Variants in NCAPD3 observed in about 807,000 individuals in gnomAD.
The protein encoded by NCAPD3 is non-SMC condensin II complex subunit D3.
A neutral mutation model predicts 182.9 loss-of-function variants in NCAPD3; 105 were observed. The observed-to-expected ratio is 0.57, with a 90% CI of 0.49 to 0.68. The LOEUF (loss-of-function observed/expected upper bound fraction) is 0.68, where lower values mean the gene tolerates loss of function less well. NCAPD3 is among the 30% of genes least tolerant of loss of function. NCAPD3 has a pLI of 0.00. For synonymous variants in NCAPD3, 815 were observed against 679.9 expected, an observed-to-expected ratio of 1.20 and a Z score of -3.09; for missense variants, 1,944 against 1,837.0, an observed-to-expected ratio of 1.06 and a Z score of -1.07.
chr11:134,178,847 C>A lies in NCAPD3; in HGVS notation c.2649G>T (p.Leu883=). The A allele has an allele frequency of 6.2e-7, 1 of 1,614,114 alleles. No homozygotes were observed. The highest frequency in any genetic ancestry group is 1.7e-5 in the Admixed American group (1 of 60,022). ...AGTGGTCAGCATCAGCAGACGAAGC[C>A]AGGACGGACTGAATCAGAAGGAAGA... ...KRIFLLIQSV[L]ASSADADHSP... The change falls in exon 21 of 35, where the codon CTG becomes CTT. Residue 883 remains leucine (L), a synonymous_variant. Coordinates refer to ENST00000534548, the MANE Select transcript of NCAPD3 (RefSeq NM_015261.3).
At chr11:134,158,540 GT>G (rs746266266) in intron 29 of NCAPD3, 45 bp from the exon 30 acceptor site, 1 of 1,577,392 alleles carries the variant, frequency 6.3e-7, no homozygotes, top group East Asian at 2.2e-5. Context: ...TACTTTTTAA[GT>G]TTTCAAAAAC....
rs1943685167 is a variant in NCAPD3 at position 134,164,186 on chromosome 11, C to A, written c.3574-2295G>T. Among the ~76,000 whole-genome samples the A allele has an allele frequency of 1.3e-5, 2 of 152,146 alleles. 1 individual carries two copies. Among genetic ancestry groups the A allele is most frequent in the Middle Eastern group, 6.3e-3 (2 of 316 alleles). On this transcript the variant is annotated intron_variant, in intron 27 of 34. Transcript: ENST00000534548. ...AGAGGCCTGTGGCAGCCAAGCTCTG[C>A]CCCAGTCATTCAGATCCAAATTCTA...
At position 134,214,907 on chromosome 11, in the gene NCAPD3, CA is replaced by C. The variant is rs376707739; in HGVS notation, c.382+2028del. Among the ~76,000 whole-genome samples the C allele has an allele frequency of 2.8e-4, 42 of 152,138 alleles. No homozygotes were observed. The East Asian group carries it at 6.8e-3, about 25-fold the overall frequency. On this transcript the variant is annotated intron_variant, in intron 3 of 34. Coordinates refer to ENST00000534548, the MANE Select transcript of NCAPD3 (RefSeq NM_015261.3). ...TACCAAGATACCCAGATACTCAAAC[CA>C]GACAAAAATATCTCAAAAAAAGAAT...
intron 32 of NCAPD3, among the ~76,000 whole-genome samples, chr11:134,155,449 T>C (rs965716371): frequency 6.6e-6 from 1 of 152,122 alleles, no homozygotes; most frequent in African/African-American, 2.4e-5. Context: ...AGAGACTGCA[T>C]CAGCAGGAAT....
chr11:134,159,797 TGACGGAG>T, intron 29 of NCAPD3, 88 bp downstream of exon 29: 1 of 1,333,408 alleles, frequency 7.5e-7, no homozygotes, highest in Non-Finnish European at 1.0e-6. Context: ...TAACCTCTGA[TGACGGAG>T]ATCTTGAGAG....
At chr11:134,214,678 A>T (rs1591864111) in intron 3 of NCAPD3, among the ~76,000 whole-genome samples, 1 of 152,228 alleles carries the variant, frequency 6.6e-6, no homozygotes, top group South Asian at 2.1e-4. Flanking sequence ...TGATCAAGAA[A>T]AAACAAAATA....
At chr11:134,166,936 G>A (rs1404115246) in intron 27 of NCAPD3, among the ~76,000 whole-genome samples, 1 of 125,886 alleles carries the variant, frequency 7.9e-6, no homozygotes, top group Admixed American at 7.7e-5. Flanking sequence ...GAGCTTAGGG[G>A]AGCTGCACAC....
intron 20 of NCAPD3, among the ~76,000 whole-genome samples, chr11:134,179,145 TATC>T (rs1274049003): frequency 1.3e-5 from 2 of 152,216 alleles, no homozygotes; most frequent in Non-Finnish European, 2.9e-5. Flanking sequence ...CATATAATTT[TATC>T]ATCTAAATCT....
At chr11:134,178,325 GA>G (rs891661727) in intron 22 of NCAPD3, among the ~76,000 whole-genome samples, 5 of 152,010 alleles carry the variant, frequency 3.3e-5, no homozygotes, top group South Asian at 2.1e-4. Flanking sequence ...TGAAGGTATT[GA>G]AAAAAAATTA....
chr11:134,187,698 A>C (rs1169006711), intron 16 of NCAPD3, among the ~76,000 whole-genome samples: 1 of 152,178 alleles, frequency 6.6e-6, no homozygotes, highest in Non-Finnish European at 1.5e-5. Context: ...AGGAAGAAAT[A>C]ATCACCAAAA....
intron 19 of NCAPD3, among the ~76,000 whole-genome samples, chr11:134,182,655 C>T (rs755791606): frequency 1.3e-5 from 2 of 152,208 alleles, no homozygotes; most frequent in African/African-American, 4.8e-5. Flanking sequence ...TTGTTCTAGA[C>T]ACTATTTCTA....
chr11:134,220,070 A>G (rs1001135794), intron 2 of NCAPD3, among the ~76,000 whole-genome samples: 1 of 152,206 alleles, frequency 6.6e-6, no homozygotes, highest in African/African-American at 2.4e-5. Flanking sequence ...CTGGGATTAC[A>G]GGCATGAGCC....
chr11:134,158,148 GCCT>G (rs1455078175), intron 30 of NCAPD3, 81 bp from the exon 31 acceptor site: 20 of 1,550,554 alleles, frequency 1.3e-5, no homozygotes, highest in Admixed American at 8.9e-5. Flanking sequence ...GTCCCCGCGT[GCCT>G]CCTCACCGGC....
intron 19 of NCAPD3, 26 bp downstream of exon 19, chr11:134,184,611 A>G: frequency 6.7e-7 from 1 of 1,502,688 alleles, no homozygotes; most frequent in Non-Finnish European, 9.1e-7. Context: ...GAAGTCAGAA[A>G]CATGTCAGGG....
rs1944223476 is a variant in NCAPD3 at position 134,178,625 on chromosome 11, T to G, written c.2782+9A>C. ...GATGTCAAGCCCCATTCTCCCATGT[T>G]TTTCTTACCTAAGGTAATGATGGCA... is the stretch of plus-strand genomic sequence containing the variant. On this transcript the variant is annotated intron_variant, in intron 22 of 34. Coordinates refer to ENST00000534548, the MANE Select transcript of NCAPD3 (RefSeq NM_015261.3). 1 of 1,525,066 alleles carries G rather than the reference T, an allele frequency of 6.6e-7. No homozygotes were observed. The highest frequency in any genetic ancestry group is 8.8e-7 in the Non-Finnish European group (1 of 1,133,040). 94.5% of individuals were successfully genotyped at this position (1,525,066 alleles called of 1,614,324 possible).
intron 24 of NCAPD3, among the ~76,000 whole-genome samples, chr11:134,171,512 T>G (rs965243851): frequency 6.6e-6 from 1 of 152,198 alleles, no homozygotes; most frequent in African/African-American, 2.4e-5. Flanking sequence ...GAGTTCATGC[T>G]GAACTCATGT....
upstream of NCAPD3, chr11:134,224,962 C>G: frequency 4.5e-6 from 2 of 440,106 alleles, no homozygotes; most frequent in South Asian, 1.0e-4. Flanking sequence ...AGCCGGCTGT[C>G]CGTCGGCGCC....
rs778967604 is a variant in NCAPD3, at chr11:134,153,172, A to G, written c.4356T>C (p.Asn1452=). 2.5e-6 allele frequency: 4 copies of G among 1,614,170 alleles called. No homozygotes were observed. The South Asian group carries it at 4.4e-5, about 18-fold the overall frequency. Residue 1452 remains asparagine (N), a synonymous_variant, in exon 34 of 35, where the codon AAT becomes AAC. Coordinates refer to ENST00000534548, the MANE Select transcript of NCAPD3 (RefSeq NM_015261.3). ...KEKIEGRSQG[N]DILCLSLPDK... ...CAGGCAGTGATAAACATAAGATGTC[A>G]TTTCCTTGACTCCGGCCTTCAATTT... is the stretch of plus-strand genomic sequence containing the variant.
In NCAPD3 at chr11:134,189,146, T is replaced by TA. The variant is rs1341510200; in HGVS notation, c.2045+3542_2045+3543insT. On this transcript the variant is annotated intron_variant, in intron 16 of 34. Coordinates refer to ENST00000534548, the MANE Select transcript of NCAPD3 (RefSeq NM_015261.3). Reference sequence around the variant, plus strand: ...ATACTAATACATTCTGAATACTCTGTTTCTGAATGTATACTGAACAAGACA... The same window carrying TA: ...ATACTAATACATTCTGAATACTCTGTATTCTGAATGTATACTGAACAAGACA... Among the ~76,000 whole-genome samples the TA allele has an allele frequency of 4.6e-5, 7 of 152,342 alleles. No homozygotes were observed. In the South Asian group the frequency reaches 1.2e-3, roughly 27 times the overall value.
Sources: allele counts gnomAD v4.1 joint callset (sites outside exome capture counted in the v4.1 genomes callset), GRCh38; gene constraint gnomAD v4.1.1; transcripts MANE v1.5; gene names NCBI Gene and HGNC (gene_info 2026-07-23, HGNC 2026-07-21).